USP3: variants seen among roughly 807,000 people sequenced by gnomAD.
The protein encoded by USP3 is ubiquitin specific peptidase 3.
USP3 carries 20 observed loss-of-function variants against 72.3 expected under a neutral mutation model. That is an observed-to-expected ratio of 0.28 (90% CI 0.19 to 0.40). The LOEUF is 0.40. USP3 is among the 10% of genes least tolerant of loss of function. USP3 has a pLI of 1.00. For synonymous variants in USP3, 222 were observed against 225.3 expected, an observed-to-expected ratio of 0.99 and a Z score of 0.13; for missense variants, 479 against 633.9, an observed-to-expected ratio of 0.76 and a Z score of 2.62.
intron 2 of USP3, among the ~76,000 whole-genome samples, chr15:63,533,278 A>G (rs2066105391): frequency 6.6e-6 from 1 of 152,208 alleles, no homozygotes; most frequent in African/African-American, 2.4e-5. Flanking sequence ...GGAGTTCATT[A>G]TTAATTCCTA....
chr15:63,567,341 A>AT (rs1276442905), intron 8 of USP3, among the ~76,000 whole-genome samples: 3,019 of 119,534 alleles, frequency 0.025, 103 homozygotes, highest in Non-Finnish European at 0.033. Context: ...TGCCTGGCTA[A>AT]TTTTTTTTTT....
intron 1 of USP3, among the ~76,000 whole-genome samples, chr15:63,521,182 A>C (rs2065916227): frequency 1.4e-5 from 2 of 138,668 alleles, no homozygotes; most frequent in Admixed American, 7.7e-5. Context: ...CCTGGATGTC[A>C]CTCCATGTTT....
At position 63,553,835 on chromosome 15, in the gene USP3, A is replaced by G. The variant is rs766838859; in HGVS notation, c.368+37A>G. The G allele has an allele frequency of 6.3e-7, 1 of 1,575,978 alleles. No individual in the cohort carries two copies. Among genetic ancestry groups the G allele is most frequent in the Non-Finnish European group, 8.7e-7 (1 of 1,154,290 alleles). On this transcript the variant is annotated intron_variant, in intron 4 of 14. Coordinates refer to ENST00000380324, the MANE Select transcript of USP3 (RefSeq NM_006537.4). The surrounding 1 kb of genome is among the most constrained non-coding windows in gnomAD (Gnocchi z 4.2). ...GCCTTTGGAAAAAGAAGGGCCTAAG[A>G]ATGGGGTTGAGGAGTCTTTTAGAAT...
intron 1 of USP3, among the ~76,000 whole-genome samples, chr15:63,508,232 G>C (rs1427140223): frequency 6.6e-6 from 1 of 152,176 alleles, no homozygotes; most frequent in Non-Finnish European, 1.5e-5. Flanking sequence ...ACCCACTTGT[G>C]TAAGCTATAG....
At chr15:63,518,091 G>A (rs905757221) in intron 1 of USP3, among the ~76,000 whole-genome samples, 10 of 152,026 alleles carry the variant, frequency 6.6e-5, no homozygotes, top group Admixed American at 2.6e-4. Context: ...TGTTTTTAGG[G>A]CACAGTGTTT....
intron 3 of USP3, among the ~76,000 whole-genome samples, chr15:63,543,792 C>G (rs182446105): frequency 1.6e-4 from 24 of 152,292 alleles, no homozygotes; most frequent in African/African-American, 5.5e-4. Flanking sequence ...CTAATAAAAA[C>G]ACAGACTAAT....
chr15:63,505,909 T>C (rs1310537355), intron 1 of USP3, among the ~76,000 whole-genome samples: 1 of 152,216 alleles, frequency 6.6e-6, no homozygotes, highest in Admixed American at 6.5e-5. Flanking sequence ...CATGTCTCAT[T>C]GTGGGCCGGA....
chr15:63,569,524 T>G (rs1341346677), intron 8 of USP3, among the ~76,000 whole-genome samples: 2 of 152,210 alleles, frequency 1.3e-5, no homozygotes, highest in Non-Finnish European at 2.9e-5. Flanking sequence ...TTTTGAATCT[T>G]AAGATGACAC....
intron 3 of USP3, among the ~76,000 whole-genome samples, chr15:63,548,220 C>T (rs1487650308): frequency 1.3e-5 from 2 of 152,090 alleles, no homozygotes; most frequent in African/African-American, 2.4e-5. Flanking sequence ...GCCTCCAACT[C>T]CTGAGTTCAA....
intron 2 of USP3, among the ~76,000 whole-genome samples, chr15:63,535,122 G>A (rs2066136864): frequency 2.0e-5 from 3 of 152,124 alleles, no homozygotes; most frequent in African/African-American, 4.8e-5. Context: ...GTAGAGATGG[G>A]GTTTCACCAT....
chr15:63,537,241 G>T, intron 3 of USP3, 85 bp downstream of exon 3: 1 of 1,444,696 alleles, frequency 6.9e-7, no homozygotes, highest in Non-Finnish European at 9.3e-7. Context: ...CTCTAAGCCA[G>T]TTACTACTGC....
chr15:63,564,240 A>C (rs1018788158), intron 8 of USP3, among the ~76,000 whole-genome samples: 1 of 152,310 alleles, frequency 6.6e-6, no homozygotes, highest in East Asian at 1.9e-4. Flanking sequence ...TCATTAAAAA[A>C]CAAGCAAGAA....
At chr15:63,515,092 T>C (rs1014821349) in intron 1 of USP3, among the ~76,000 whole-genome samples, 1 of 152,268 alleles carries the variant, frequency 6.6e-6, no homozygotes, top group Non-Finnish European at 1.5e-5. Flanking sequence ...ATTTTGACTC[T>C]GATTTAGTAA....
chr15:63,552,896 T>TG (rs1422217451), intron 3 of USP3, among the ~76,000 whole-genome samples: 10 of 152,240 alleles, frequency 6.6e-5, no homozygotes, highest in Non-Finnish European at 1.3e-4. Context: ...AATGGTTTCA[T>TG]GCAAAGCATA....
At chr15:63,508,864 C>T (rs2065747513) in intron 1 of USP3, among the ~76,000 whole-genome samples, 1 of 152,118 alleles carries the variant, frequency 6.6e-6, no homozygotes, top group Non-Finnish European at 1.5e-5. Context: ...GTTGAGAGTG[C>T]CTCTTTAAGT....
chr15:63,557,191 C>T (rs1031352750), intron 5 of USP3, among the ~76,000 whole-genome samples: 1 of 152,220 alleles, frequency 6.6e-6, no homozygotes, highest in Non-Finnish European at 1.5e-5. Context: ...CTGCCACAGC[C>T]TCCCAAGGGG....
chr15:63,528,691 A>C lies in USP3; in HGVS notation c.92-3956A>C, dbSNP rs2066020991. ...TCCATGGGAAATGTGTTTATCCTGCAGGTAAACTTTTGAATCTCATCTATC... is the reference window on the plus strand; with the variant it reads ...TCCATGGGAAATGTGTTTATCCTGCCGGTAAACTTTTGAATCTCATCTATC... On this transcript the variant is annotated intron_variant, in intron 1 of 14. Transcript: ENST00000380324. This position sits in a 1 kb window ranked among gnomAD's most constrained non-coding sequence, Gnocchi z 4.3. Among the ~76,000 whole-genome samples, 1 of 152,214 alleles carries C rather than the reference A, an allele frequency of 6.6e-6. No homozygotes were observed. The highest frequency in any genetic ancestry group is 6.5e-5 in the Admixed American group (1 of 15,284).
chr15:63,581,345 T>TG (rs2066955880), intron 11 of USP3, among the ~76,000 whole-genome samples: 67 of 130,164 alleles, frequency 5.1e-4, no homozygotes, highest in African/African-American at 1.6e-3. Context: ...GTGTTGGTTT[T>TG]TGTGTGTGTG....
chr15:63,552,200 A>C (rs1353351134), intron 3 of USP3, among the ~76,000 whole-genome samples: 4 of 152,300 alleles, frequency 2.6e-5, no homozygotes, highest in South Asian at 4.1e-4. Flanking sequence ...TACATGCATA[A>C]ATTTATGCAA....
Sources: allele counts gnomAD v4.1 joint callset (sites outside exome capture counted in the v4.1 genomes callset), GRCh38; gene constraint gnomAD v4.1.1; non-coding constraint Gnocchi (gnomAD v3.1); transcripts MANE v1.5; gene names NCBI Gene and HGNC (gene_info 2026-07-23, HGNC 2026-07-21).